MYO10: variants seen among roughly 807,000 people sequenced by gnomAD.
MYO10 encodes unconventional myosin-X.
In MYO10, 133 loss-of-function variants were observed where a neutral mutation model predicts 257.3. The observed-to-expected ratio is 0.52, with a 90% CI of 0.45 to 0.60. The LOEUF (loss-of-function observed/expected upper bound fraction) is 0.60. Ranked by LOEUF, MYO10 falls within the 20% of genes least tolerant of loss-of-function variation. The pLI, the probability that MYO10 is intolerant of heterozygous loss-of-function variation, is 0.00. For missense variants in MYO10, 2,399 were observed against 2,635.7 expected (o/e 0.91, Z 1.97); for synonymous variants, 1,104 against 1,028.6 (o/e 1.07, Z -1.40).
At chr5:16,878,103 G>C (rs1001677553) in intron 1 of MYO10, among the ~76,000 whole-genome samples, 2 of 152,212 alleles carry the variant, frequency 1.3e-5, no homozygotes, top group African/African-American at 4.8e-5. Flanking sequence ...GCGAGTGCAT[G>C]ACAGGCAGTT....
chr5:16,849,287 GT>G (rs1183310538), intron 2 of MYO10, among the ~76,000 whole-genome samples: 1 of 152,058 alleles, frequency 6.6e-6, no homozygotes, highest in Non-Finnish European at 1.5e-5. Context: ...TAATATAATG[GT>G]TTTTCCACAG....
At chr5:16,724,498 A>C (rs1404589182) in intron 19 of MYO10, among the ~76,000 whole-genome samples, 2 of 152,328 alleles carry the variant, frequency 1.3e-5, no homozygotes, top group African/African-American at 4.8e-5. Flanking sequence ...GGAAGCCAGC[A>C]TAAGGTCCAA....
intron 3 of MYO10, among the ~76,000 whole-genome samples, chr5:16,808,423 T>C (rs942277150): frequency 7.2e-5 from 11 of 152,180 alleles, no homozygotes; most frequent in African/African-American, 2.7e-4. Context: ...TGGTGAGCTA[T>C]GATCGCACCA....
intron 33 of MYO10, among the ~76,000 whole-genome samples, chr5:16,678,117 G>A (rs1736820611): frequency 6.6e-6 from 1 of 152,150 alleles, no homozygotes; most frequent in Admixed American, 6.5e-5. Context: ...TACAAAAACA[G>A]GTAAGTTCCA....
chr5:16,733,521 A>G (rs1739668758), intron 19 of MYO10, among the ~76,000 whole-genome samples: 1 of 152,202 alleles, frequency 6.6e-6, no homozygotes, highest in Non-Finnish European at 1.5e-5. Context: ...ATGGTAATTT[A>G]TTGGCAAGTC....
At chr5:16,680,185 T>C in intron 32 of MYO10, 81 bp from the exon 33 acceptor site, 5 of 1,481,168 alleles carry the variant, frequency 3.4e-6, no homozygotes, top group Non-Finnish European at 4.6e-6. Context: ...CTCTCTGACC[T>C]CAGTCCCTTT....
At chr5:16,764,158 G>GA (rs1348198553) in intron 12 of MYO10, 92 bp downstream of exon 12, 37 of 1,332,950 alleles carry the variant, frequency 2.8e-5, no homozygotes, top group Admixed American at 1.1e-4. Flanking sequence ...AAAAAAAAAA[G>GA]AAAAAAAAAG....
At chr5:16,921,929 A>C (rs1745998747) in intron 1 of MYO10, among the ~76,000 whole-genome samples, 1 of 152,022 alleles carries the variant, frequency 6.6e-6, no homozygotes, top group Non-Finnish European at 1.5e-5. Context: ...AAAAACGTAA[A>C]GGGGGCCGGG....
chr5:16,725,700 A>G (rs1430024703), intron 19 of MYO10, among the ~76,000 whole-genome samples: 1 of 151,878 alleles, frequency 6.6e-6, no homozygotes, highest in Non-Finnish European at 1.5e-5. Flanking sequence ...ATTAATTAGC[A>G]TTTTCATTAA....
chr5:16,710,016 C>T (rs1443529214), intron 21 of MYO10, among the ~76,000 whole-genome samples: 2 of 152,212 alleles, frequency 1.3e-5, no homozygotes, highest in Non-Finnish European at 2.9e-5. Context: ...CCCGCTTTCT[C>T]CCTCTTTCCT....
Position 16,766,098 on chromosome 5 carries a change from C to T in MYO10, c.1161G>A (p.Thr387=), listed in dbSNP as rs767255912. Residue 387 remains threonine (T), a synonymous_variant, in exon 11 of 41, where the codon ACG becomes ACA. Transcript: ENST00000513610. ...TGTGTACCTGTTGAACATTGAGAGG[C>T]GTGAGGATCTCTTCTCCCCTGAGGA... ...SMFLRGEEIL[T]PLNVQQAVDS... The T allele has an allele frequency of 3.2e-5, 52 of 1,611,142 alleles. No homozygotes were observed. Among genetic ancestry groups the T allele is most frequent in the Non-Finnish European group, 3.7e-5 (43 of 1,177,492 alleles).
In MYO10 at chr5:16,676,298, C is replaced by T. The variant is rs1320175093; in HGVS notation, c.4543-144G>A. 9 of 927,970 alleles carry T rather than the reference C, an allele frequency of 9.7e-6. No homozygotes were observed. In the African/African-American group the frequency reaches 1.0e-4, roughly 11 times the overall value. The allele number at this position is 927,970 out of a possible 1,614,324, so 57.5% of individuals were successfully genotyped here. A position where few individuals can be genotyped will look rare whatever the true frequency, so the allele number is the denominator to read the frequency against. ...TTAGGTGGTTTCATGGACGAAGATA[C>T]CCATAATCTGTGTTTGAAGACAAAT... On this transcript the variant is annotated intron_variant, in intron 33 of 40. Transcript: ENST00000513610.
chr5:16,877,684 TTC>T lies in MYO10; in HGVS notation c.43_44del (p.Glu15LysfsTer52), dbSNP rs1295539225. On this transcript the variant is annotated frameshift_variant, in exon 2 of 41. Transcript: ENST00000513610. LOFTEE classifies it high-confidence loss of function. The part of the protein sequence containing the change: ...FTEGTRVWLR[E>X]NGQHFPSTVN... ...CAGTACTTGGAAAATGCTGGCCATT[TTC>T]TCTCAGCCAGACCCGTGTTCCCTGT... 4 of 1,613,700 alleles carry T rather than the reference TTC, an allele frequency of 2.5e-6. No homozygotes were observed. The highest frequency in any genetic ancestry group is 8.5e-7 in the Non-Finnish European group (1 of 1,179,794).
At chr5:16,904,412 G>C (rs970847348) in intron 1 of MYO10, among the ~76,000 whole-genome samples, 2 of 152,224 alleles carry the variant, frequency 1.3e-5, no homozygotes, top group African/African-American at 2.4e-5. Flanking sequence ...CTGATGTACA[G>C]GCTGCTGATC....
intron 34 of MYO10, 145 bp from the exon 35 acceptor site, chr5:16,675,295 G>C: frequency 1.3e-6 from 1 of 792,076 alleles, no homozygotes. Context: ...TCAATCAGTT[G>C]AACACAGATC....
At chr5:16,822,246 A>G (rs1742842464) in intron 2 of MYO10, among the ~76,000 whole-genome samples, 1 of 147,594 alleles carries the variant, frequency 6.8e-6, no homozygotes, top group Admixed American at 6.6e-5. Flanking sequence ...GTGACAAACT[A>G]AACTTAAAAT....
intron 19 of MYO10, among the ~76,000 whole-genome samples, chr5:16,712,912 C>T (rs31497): frequency 0.77 from 116,392 of 152,110 alleles, 45,060 homozygotes; most frequent in Non-Finnish European, 0.81. Flanking sequence ...CAAAATTAGC[C>T]TTGGTGACTC....
In MYO10 at chr5:16,664,850, T is replaced by C. The variant is rs1430045543; in HGVS notation, c.*1842A>G. ...TGTCTACAAGAGCAGTGGAGACAGC[T>C]GCAGATCTGTGTTTAGACCTGATGA... On this transcript the variant is annotated 3_prime_UTR_variant, in exon 41 of 41. Transcript: ENST00000513610. 3 of 152,212 alleles carry C rather than the reference T, an allele frequency of 2.0e-5. No homozygotes were observed. Among genetic ancestry groups the C allele is most frequent in the African/African-American group, 7.2e-5 (3 of 41,438 alleles). 9.4% of individuals were successfully genotyped at this position (152,212 alleles called of 1,614,324 possible). A position where few individuals can be genotyped will look rare whatever the true frequency, so the allele number is the denominator to read the frequency against.
intron 3 of MYO10, chr5:16,814,580 G>C (rs979086495): frequency 6.6e-6 from 1 of 151,932 alleles, no homozygotes; most frequent in Non-Finnish European, 1.5e-5. Flanking sequence ...GCATTGCTCC[G>C]AGCCAGGATC....
Sources: gnomAD v4.1 joint callset for allele counts (sites outside exome capture counted in the v4.1 genomes callset) on GRCh38, gnomAD v4.1.1 for gene constraint, MANE v1.5 for transcripts, NCBI Gene and HGNC (gene_info 2026-07-23, HGNC 2026-07-21) for gene names.